STK32A: variants seen among roughly 807,000 people sequenced by gnomAD.
STK32A encodes serine/threonine-protein kinase 32A.
A neutral mutation model predicts 53.2 loss-of-function variants in STK32A; 41 were observed. That is an observed-to-expected ratio of 0.77 (90% CI 0.60 to 1.00). The LOEUF is 1.00. Ranked by LOEUF, STK32A falls within the 50% of genes least tolerant of loss-of-function variation. STK32A has a pLI of 0.00. For missense variants in STK32A, 458 were observed against 485.8 expected (o/e 0.94, Z 0.54); for synonymous variants, 166 against 162.8 (o/e 1.02, Z -0.15).
chr5:147,239,469 G>T (rs535343478), intron 1 of STK32A, 70 bp from the exon 2 acceptor site: 4 of 538,626 alleles, frequency 7.4e-6, no homozygotes, highest in African/African-American at 6.0e-5. Flanking sequence ...TTATGTTTCC[G>T]CCACAGTCTA....
At chr5:147,239,728 G>A (rs976758483) in intron 2 of STK32A, 42 bp downstream of exon 2, 1 of 1,511,276 alleles carries the variant, frequency 6.6e-7, no homozygotes, top group Non-Finnish European at 9.1e-7. Context: ...ATAGAATTTT[G>A]CAAAATTCAA....
At chr5:147,288,941 C>T (rs1752472618) in intron 4 of STK32A, among the ~76,000 whole-genome samples, 1 of 152,064 alleles carries the variant, frequency 6.6e-6, no homozygotes, top group Admixed American at 6.6e-5. Flanking sequence ...TGGCCAGTAC[C>T]CAGCACATAG....
intron 2 of STK32A, among the ~76,000 whole-genome samples, chr5:147,260,858 A>G (rs1421475583): frequency 2.0e-5 from 3 of 152,158 alleles, no homozygotes; most frequent in Admixed American, 6.5e-5. Context: ...CCACACAAAC[A>G]ACACTGCAAG....
intron 5 of STK32A, among the ~76,000 whole-genome samples, chr5:147,337,937 G>T (rs898029707): frequency 6.6e-6 from 1 of 152,124 alleles, no homozygotes; most frequent in African/African-American, 2.4e-5. Flanking sequence ...GTGAGAATAA[G>T]GAAACTATTG....
intron 2 of STK32A, among the ~76,000 whole-genome samples, chr5:147,261,886 C>A (rs376593770): frequency 7.2e-6 from 1 of 138,334 alleles, no homozygotes; most frequent in Admixed American, 7.5e-5. Flanking sequence ...TGCTATCCCC[C>A]CCAAGCTAAG....
intron 5 of STK32A, among the ~76,000 whole-genome samples, chr5:147,325,230 T>A (rs1011985273): frequency 6.6e-6 from 1 of 152,188 alleles, no homozygotes; most frequent in African/African-American, 2.4e-5. Flanking sequence ...AGTACAATTA[T>A]GTCTCAATTA....
chr5:147,371,650 A>G (rs1189124326), intron 9 of STK32A, among the ~76,000 whole-genome samples: 1 of 152,192 alleles, frequency 6.6e-6, no homozygotes, highest in Admixed American at 6.5e-5. Flanking sequence ...AGAAGCATTT[A>G]GAAACTTTTA....
At chr5:147,278,275 G>A (rs6580459) in intron 3 of STK32A, 96 bp downstream of exon 3, 471,826 of 940,876 alleles carry the variant, frequency 0.5, 121,676 homozygotes, top group African/African-American at 0.65. Context: ...TGCTGGGACC[G>A]CAAGGAAAGA....
chr5:147,374,568 T>C (rs551131097), intron 10 of STK32A, among the ~76,000 whole-genome samples: 25 of 152,242 alleles, frequency 1.6e-4, no homozygotes, highest in African/African-American at 5.8e-4. Context: ...ACCCCAACTC[T>C]TGCTTCCCCC....
intron 5 of STK32A, among the ~76,000 whole-genome samples, chr5:147,332,062 T>C (rs1265297926): frequency 6.6e-6 from 1 of 152,234 alleles, no homozygotes; most frequent in African/African-American, 2.4e-5. Flanking sequence ...TATGTTTCTA[T>C]TGTTTTCTTT....
intron 8 of STK32A, among the ~76,000 whole-genome samples, chr5:147,362,830 C>T (rs1364675917): frequency 6.6e-6 from 1 of 152,108 alleles, no homozygotes; most frequent in African/African-American, 2.4e-5. Flanking sequence ...GCCTGTAATC[C>T]CAACACTTTA....
intron 9 of STK32A, among the ~76,000 whole-genome samples, chr5:147,372,251 A>G (rs946524219): frequency 4.2e-5 from 6 of 141,832 alleles, no homozygotes; most frequent in African/African-American, 1.5e-4. Flanking sequence ...TGAGGGGCCC[A>G]AGAGGAATGG....
chr5:147,271,861 G>A (rs111835654), intron 2 of STK32A, among the ~76,000 whole-genome samples: 29,104 of 151,930 alleles, frequency 0.19, 3,510 homozygotes, highest in Non-Finnish European at 0.26. Context: ...TTTTAATTTC[G>A]CCCCAGTCCT....
At chr5:147,335,819 G>A (rs755479310) in intron 5 of STK32A, among the ~76,000 whole-genome samples, 36 of 152,240 alleles carry the variant, frequency 2.4e-4, no homozygotes, top group African/African-American at 6.3e-4. Context: ...GCGTGCATGC[G>A]TGCGCGTGTG....
At chr5:147,256,162 T>C (rs530298449) in intron 2 of STK32A, among the ~76,000 whole-genome samples, 3 of 152,348 alleles carry the variant, frequency 2.0e-5, no homozygotes, top group Non-Finnish European at 2.9e-5. Flanking sequence ...TTGAAAATTC[T>C]TAAGCTCACT....
At chr5:147,390,147 A>G (rs1353834567), downstream of STK32A, among the ~76,000 whole-genome samples, 2 of 152,214 alleles carry the variant, frequency 1.3e-5, no homozygotes, top group African/African-American at 4.8e-5. Context: ...AGGGTGTAGT[A>G]TAATAGGTTT....
intron 4 of STK32A, among the ~76,000 whole-genome samples, chr5:147,304,320 T>C (rs1374053207): frequency 6.6e-6 from 1 of 152,184 alleles, no homozygotes; most frequent in East Asian, 1.9e-4. Context: ...GCAACTTAGA[T>C]GATCATGTCA....
chr5:147,289,345 A>G (rs1453815442), intron 4 of STK32A, among the ~76,000 whole-genome samples: 3 of 152,244 alleles, frequency 2.0e-5, no homozygotes, highest in African/African-American at 7.2e-5. Flanking sequence ...TACTTTTAAA[A>G]TTTCTGCCTT....
intron 2 of STK32A, among the ~76,000 whole-genome samples, chr5:147,251,662 TCTTA>T (rs1174162981): frequency 6.6e-6 from 1 of 152,206 alleles, no homozygotes; most frequent in Admixed American, 6.5e-5. Context: ...TAACTCTAAA[TCTTA>T]CTTTCAGAGA....
Sources: allele counts gnomAD v4.1 joint callset (sites outside exome capture counted in the v4.1 genomes callset), GRCh38; gene constraint gnomAD v4.1.1; transcripts MANE v1.5; gene names NCBI Gene and HGNC (gene_info 2026-07-23, HGNC 2026-07-21).